The following FHIT variants were observed in gnomAD, a reference collection of about 807,000 sequenced individuals.
FHIT encodes the protein fragile histidine triad diadenosine triphosphatase.
FHIT carries 19 observed loss-of-function variants against 17.9 expected under a neutral mutation model. The observed-to-expected ratio is 1.06, with a 90% CI of 0.74 to 1.56. The LOEUF is 1.56. FHIT is among the 40% of genes most tolerant of loss of function. FHIT has a pLI of 0.00. For synonymous variants in FHIT, 81 were observed against 69.7 expected, an observed-to-expected ratio of 1.16 and a Z score of -0.81; for missense variants, 248 against 189.2, an observed-to-expected ratio of 1.31 and a Z score of -1.82.
At chr3:60,949,697 C>G (rs997088650) in intron 3 of FHIT, among the ~76,000 whole-genome samples, 1 of 152,060 alleles carries the variant, frequency 6.6e-6, no homozygotes, top group South Asian at 2.1e-4. Flanking sequence ...TTCCTCTTCC[C>G]GGTCTCTGGT....
At chr3:60,433,649 T>C (rs890994949) in intron 5 of FHIT, among the ~76,000 whole-genome samples, 5 of 152,116 alleles carry the variant, frequency 3.3e-5, no homozygotes, top group African/African-American at 1.2e-4. Context: ...GCGGTTCTGA[T>C]TCACAGTTCC....
intron 4 of FHIT, among the ~76,000 whole-genome samples, chr3:60,784,390 G>A (rs1253324088): frequency 2.7e-5 from 4 of 150,082 alleles, no homozygotes; most frequent in Non-Finnish European, 4.4e-5. Flanking sequence ...AGGCTGGGGT[G>A]CAGTGGCACA....
intron 5 of FHIT, among the ~76,000 whole-genome samples, chr3:60,141,666 TAA>T (rs1236282099): frequency 6.6e-6 from 1 of 152,188 alleles, no homozygotes; most frequent in East Asian, 1.9e-4. Flanking sequence ...AAAAACATCC[TAA>T]AGAGTCAACT....
intron 4 of FHIT, among the ~76,000 whole-genome samples, chr3:60,692,357 G>GA (rs2041011472): frequency 6.6e-6 from 1 of 152,128 alleles, no homozygotes; most frequent in South Asian, 2.1e-4. Context: ...CATGGCAAAG[G>GA]AAAATTAAGG....
chr3:60,453,740 G>A (rs1232340219), intron 5 of FHIT, among the ~76,000 whole-genome samples: 4 of 152,110 alleles, frequency 2.6e-5, no homozygotes, highest in East Asian at 3.9e-4. Context: ...TGCAAATCTG[G>A]CACATAGTAT....
chr3:60,879,263 C>T (rs1272390631), intron 3 of FHIT, among the ~76,000 whole-genome samples: 1 of 152,202 alleles, frequency 6.6e-6, no homozygotes, highest in African/African-American at 2.4e-5. Context: ...CCACCATACA[C>T]TTTTACAGCC....
At chr3:59,781,983 G>A (rs1449813059) in intron 8 of FHIT, among the ~76,000 whole-genome samples, 3 of 152,092 alleles carry the variant, frequency 2.0e-5, no homozygotes. Flanking sequence ...CTAGCTTTTA[G>A]GAGACCTCTC....
intron 2 of FHIT, among the ~76,000 whole-genome samples, chr3:61,121,704 T>G (rs999882185): frequency 3.9e-5 from 6 of 152,082 alleles, no homozygotes; most frequent in Non-Finnish European, 7.4e-5. Context: ...AATAACCAGC[T>G]TGCATCATAA....
At chr3:60,579,211 C>G (rs2037674179) in intron 4 of FHIT, among the ~76,000 whole-genome samples, 1 of 152,098 alleles carries the variant, frequency 6.6e-6, no homozygotes, top group African/African-American at 2.4e-5. Flanking sequence ...ATAGGTATAG[C>G]CCACTATACA....
chr3:60,383,508 T>C (rs1381525421), intron 5 of FHIT, among the ~76,000 whole-genome samples: 2 of 152,062 alleles, frequency 1.3e-5, no homozygotes, highest in African/African-American at 2.4e-5. Flanking sequence ...CTGCTAAATA[T>C]ACTTCAATGC....
intron 3 of FHIT, among the ~76,000 whole-genome samples, chr3:60,924,140 T>C (rs1359931821): frequency 6.6e-6 from 1 of 152,144 alleles, no homozygotes; most frequent in Non-Finnish European, 1.5e-5. Flanking sequence ...GGGCAGGGCA[T>C]AGACAAACAA....
At chr3:60,943,210 C>A (rs1334343327) in intron 3 of FHIT, among the ~76,000 whole-genome samples, 1 of 152,002 alleles carries the variant, frequency 6.6e-6, no homozygotes, top group Admixed American at 6.6e-5. Context: ...ATGGTTAAAA[C>A]TCTCAGATTA....
intron 4 of FHIT, among the ~76,000 whole-genome samples, chr3:60,755,881 T>G (rs1396024647): frequency 6.6e-6 from 1 of 152,228 alleles, no homozygotes; most frequent in Non-Finnish European, 1.5e-5. Flanking sequence ...TGGAACTGAT[T>G]TGAATCATTT....
At chr3:60,305,147 T>C (rs1708615049) in intron 5 of FHIT, among the ~76,000 whole-genome samples, 1 of 152,116 alleles carries the variant, frequency 6.6e-6, no homozygotes, top group Non-Finnish European at 1.5e-5. Flanking sequence ...TTTTAAACTT[T>C]TATAACATGG....
intron 8 of FHIT, among the ~76,000 whole-genome samples, chr3:59,835,200 TC>T (rs1284120221): frequency 6.6e-6 from 1 of 152,198 alleles, no homozygotes; most frequent in Non-Finnish European, 1.5e-5. Flanking sequence ...CCAAAGATTT[TC>T]CACTTTCCCT....
At chr3:60,545,562 C>G (rs547994407) in intron 4 of FHIT, among the ~76,000 whole-genome samples, 5 of 152,300 alleles carry the variant, frequency 3.3e-5, no homozygotes, top group African/African-American at 1.2e-4. Flanking sequence ...TATTATCACT[C>G]CGCTCTAAAA....
intron 8 of FHIT, among the ~76,000 whole-genome samples, chr3:59,901,528 A>G (rs1258473175): frequency 1.3e-5 from 2 of 152,214 alleles, no homozygotes; most frequent in Non-Finnish European, 2.9e-5. Flanking sequence ...GAAGATGCTC[A>G]ATATTAGCTA....
intron 5 of FHIT, among the ~76,000 whole-genome samples, chr3:60,289,309 T>G (rs973874241): frequency 1.3e-5 from 2 of 152,196 alleles, no homozygotes; most frequent in South Asian, 2.1e-4. Context: ...TAAACATATT[T>G]TAATGAATCT....
intron 3 of FHIT, among the ~76,000 whole-genome samples, chr3:60,947,103 G>A (rs962975221): frequency 1.3e-5 from 2 of 152,136 alleles, no homozygotes; most frequent in East Asian, 3.8e-4. Flanking sequence ...AAAGGGCAAG[G>A]GCAGGTATGA....
Sources: allele counts gnomAD v4.1 joint callset (sites outside exome capture counted in the v4.1 genomes callset), GRCh38; gene constraint gnomAD v4.1.1; transcripts MANE v1.5; gene names NCBI Gene and HGNC (gene_info 2026-07-23, HGNC 2026-07-21).